Variants in NELL1 observed in about 807,000 individuals in gnomAD.
NELL1 encodes the protein neural EGFL like 1.
NELL1 carries 76 observed loss-of-function variants against 107.4 expected under a neutral mutation model. The observed-to-expected ratio is 0.71, with a 90% confidence interval of 0.59 to 0.86. The LOEUF (loss-of-function observed/expected upper bound fraction) is 0.86, where lower values mean the gene tolerates loss of function less well. Among genes scored for constraint, NELL1 ranks in the 40% least tolerant of loss-of-function variants. The pLI is 0.00. For missense variants in NELL1, 1,024 were observed against 1,005.5 expected (o/e 1.02, Z -0.25); for synonymous variants, 353 against 341.2 (o/e 1.03, Z -0.38).
At chr11:21,010,113 A>G (rs2134285541) in intron 12 of NELL1, among the ~76,000 whole-genome samples, 1 of 152,132 alleles carries the variant, frequency 6.6e-6, no homozygotes, top group East Asian at 1.9e-4. Flanking sequence ...TTCTCTTAGT[A>G]GAGCATTGTT....
chr11:21,206,443 G>A (rs921593998), intron 13 of NELL1, among the ~76,000 whole-genome samples: 3 of 152,136 alleles, frequency 2.0e-5, no homozygotes, highest in Admixed American at 1.3e-4. Flanking sequence ...ACATTCAGAG[G>A]TTCTTGGTGT....
At chr11:21,451,192 AAAAAAAAAAAG>A (rs1309794630) in intron 15 of NELL1, among the ~76,000 whole-genome samples, 3,398 of 146,936 alleles carry the variant, frequency 0.023, 140 homozygotes, top group African/African-American at 0.077. Context: ...GTCTAAAAAA[AAAAAAAAAAAG>A]AAAAAAAAAA....
chr11:20,806,681 C>T (rs1013843470), intron 3 of NELL1, among the ~76,000 whole-genome samples: 2 of 152,088 alleles, frequency 1.3e-5, no homozygotes, highest in Non-Finnish European at 1.5e-5. Flanking sequence ...TAGATTTGCC[C>T]TTTCGAAGCT....
At chr11:21,310,662 G>A (rs1219744840) in intron 14 of NELL1, among the ~76,000 whole-genome samples, 4 of 152,040 alleles carry the variant, frequency 2.6e-5, no homozygotes, top group African/African-American at 9.7e-5. Flanking sequence ...TGAGGTTGAT[G>A]TTGCATTATA....
intron 12 of NELL1, among the ~76,000 whole-genome samples, chr11:20,968,025 C>A (rs967411366): frequency 2.6e-5 from 4 of 152,124 alleles, no homozygotes; most frequent in African/African-American, 9.7e-5. Context: ...TCAGATCTTT[C>A]CAAATCTGCT....
At chr11:21,329,899 CAT>C (rs1437794897) in intron 14 of NELL1, among the ~76,000 whole-genome samples, 1 of 152,068 alleles carries the variant, frequency 6.6e-6, no homozygotes, top group Non-Finnish European at 1.5e-5. Flanking sequence ...TTATACTGTA[CAT>C]GTTACATCTA....
intron 4 of NELL1, among the ~76,000 whole-genome samples, chr11:20,872,018 CAAAA>C (rs1160968611): frequency 4.8e-5 from 2 of 41,700 alleles, no homozygotes; most frequent in Non-Finnish European, 7.8e-5. Flanking sequence ...GACTCCGTCT[CAAAA>C]AAAAAAAAAA....
At chr11:21,284,571 TC>T (rs1462261029) in intron 14 of NELL1, 2 of 452,110 alleles carry the variant, frequency 4.4e-6, no homozygotes, top group Admixed American at 2.4e-5. Context: ...GCAGTGAGTA[TC>T]CCAGCCCCAA....
At chr11:21,034,537 TAACA>T (rs1297734880) in intron 12 of NELL1, among the ~76,000 whole-genome samples, 6 of 152,176 alleles carry the variant, frequency 3.9e-5, no homozygotes, top group Non-Finnish European at 8.8e-5. Flanking sequence ...CCTGAAATCA[TAACA>T]AACAATCTCT....
At chr11:21,353,508 T>C (rs1477377935) in intron 14 of NELL1, among the ~76,000 whole-genome samples, 3 of 152,150 alleles carry the variant, frequency 2.0e-5, no homozygotes, top group Non-Finnish European at 2.9e-5. Flanking sequence ...TTTTGAGGGA[T>C]TTGAGCTTAA....
chr11:21,333,331 G>C (rs943541343), intron 14 of NELL1, among the ~76,000 whole-genome samples: 2 of 151,948 alleles, frequency 1.3e-5, no homozygotes, highest in African/African-American at 4.8e-5. Context: ...TCTAGGTTAC[G>C]GTTAAGGTGA....
At chr11:21,415,935 A>T (rs544838706) in intron 15 of NELL1, among the ~76,000 whole-genome samples, 26 of 151,708 alleles carry the variant, frequency 1.7e-4, no homozygotes, top group African/African-American at 6.3e-4. Context: ...CATCTTCAAG[A>T]GGAGTTGGGA....
intron 13 of NELL1, among the ~76,000 whole-genome samples, chr11:21,114,802 A>G (rs966607182): frequency 6.6e-6 from 1 of 152,052 alleles, no homozygotes; most frequent in South Asian, 2.1e-4. Context: ...GCATAAACAT[A>G]GTGCGCTAGG....
intron 11 of NELL1, among the ~76,000 whole-genome samples, chr11:20,959,560 C>G (rs533079885): frequency 6.6e-6 from 1 of 152,046 alleles, no homozygotes; most frequent in Non-Finnish European, 1.5e-5. Context: ...AGTGAAGTAA[C>G]CCAGGAATAG....
At chr11:20,847,851 C>A in intron 4 of NELL1, 98 bp downstream of exon 4, 3 of 1,308,612 alleles carry the variant, frequency 2.3e-6, no homozygotes, top group Non-Finnish European at 3.1e-6. Flanking sequence ...TGCCAGGAAA[C>A]AAACACCAAG....
At chr11:21,147,857 A>G (rs1447799556) in intron 13 of NELL1, among the ~76,000 whole-genome samples, 3 of 150,894 alleles carry the variant, frequency 2.0e-5, no homozygotes, top group Non-Finnish European at 4.4e-5. Flanking sequence ...AAAAAAAAAA[A>G]AAAAAAAAGA....
At chr11:21,207,333 A>C (rs2133855841) in intron 13 of NELL1, among the ~76,000 whole-genome samples, 1 of 152,282 alleles carries the variant, frequency 6.6e-6, no homozygotes, top group South Asian at 2.1e-4. Flanking sequence ...ATGCTTTCTA[A>C]GGTCACAAAG....
intron 3 of NELL1, among the ~76,000 whole-genome samples, chr11:20,836,574 T>TA (rs752856527): frequency 8.6e-5 from 13 of 150,848 alleles, no homozygotes; most frequent in African/African-American, 1.5e-4. Context: ...TACTCAGCTA[T>TA]AAAAAAAAAC....
chr11:20,696,099 T>C lies in NELL1; in HGVS notation c.184+18039T>C, dbSNP rs541271092. Among the ~76,000 whole-genome samples, 85 of 152,270 alleles carry C rather than the reference T, an allele frequency of 5.6e-4. 1 individual carries two copies. Among genetic ancestry groups the C allele is most frequent in the African/African-American group, 2.0e-3 (85 of 41,566 alleles). Reference sequence around the variant, plus strand: ...GTGTATAGTAGTCTCTGAGGATCTTTTGTATTTCTGGGGGATTGGTTGAAA... The same window carrying C: ...GTGTATAGTAGTCTCTGAGGATCTTCTGTATTTCTGGGGGATTGGTTGAAA... On this transcript the variant is annotated intron_variant, in intron 2 of 19. Transcript: ENST00000357134.
Sources: gnomAD v4.1 joint callset for allele counts (sites outside exome capture counted in the v4.1 genomes callset) on GRCh38, gnomAD v4.1.1 for gene constraint, MANE v1.5 for transcripts, NCBI Gene and HGNC (gene_info 2026-07-23, HGNC 2026-07-21) for gene names.